The following CCL24 variants were observed in gnomAD, a reference collection of about 807,000 sequenced individuals.
The protein encoded by CCL24 is C-C motif chemokine 24.
CCL24 carries 6 observed loss-of-function variants against 8.6 expected under a neutral mutation model. The ratio of observed to expected loss-of-function variants is 0.70; its 90% confidence interval spans 0.38 to 1.38. The LOEUF is 1.38. Among genes scored for constraint, CCL24 ranks in the 40% most tolerant of loss-of-function variants. The probability of loss-of-function intolerance (pLI) is 0.02; values close to 1 mark genes in which losing one functional copy is unlikely to be tolerated. For missense variants in CCL24, 126 were observed against 147.1 expected, an observed-to-expected ratio of 0.86 and a Z score of 0.74; for synonymous variants, 59 against 52.7, an observed-to-expected ratio of 1.12 and a Z score of -0.52.
At chr7:75,822,791 T>A (rs531811738) in intron 1 of CCL24, among the ~76,000 whole-genome samples, 1 of 152,210 alleles carries the variant, frequency 6.6e-6, no homozygotes, top group South Asian at 2.1e-4. Context: ...ATTGTGCCAC[T>A]GCACTTCAGC....
At chr7:75,812,381 G>A (rs557078587) in intron 2 of CCL24, among the ~76,000 whole-genome samples, 6 of 152,122 alleles carry the variant, frequency 3.9e-5, no homozygotes, top group African/African-American at 7.2e-5. Flanking sequence ...GCCACTGCAC[G>A]TGGCCTTCTT....
chr7:75,821,921 C>T (rs1318658664), intron 1 of CCL24, among the ~76,000 whole-genome samples: 21 of 145,724 alleles, frequency 1.4e-4, no homozygotes, highest in Non-Finnish European at 2.4e-4. Context: ...GAGCGAGACT[C>T]CGTCTCAAAA....
upstream of CCL24, among the ~76,000 whole-genome samples, chr7:75,815,934 T>C (rs138941726): frequency 9.7e-4 from 148 of 152,214 alleles, no homozygotes; most frequent in African/African-American, 3.3e-3. Flanking sequence ...TCTCCAACAC[T>C]CCCATACCCA....
chr7:75,811,621 C>G lies in CCL24; in HGVS notation c.*175G>C. ...ATGCTTGGAGCCATTGCTCAGCCCC[C>G]GGGAACCACATCACCTGCTCCCTCG... On this transcript the variant is annotated 3_prime_UTR_variant, in exon 3 of 3. Transcript: ENST00000222902. 1.8e-6 allele frequency: 1 copy of G among 568,076 alleles called. No individual in the cohort carries two copies. The highest frequency in any genetic ancestry group is 3.0e-6 in the Non-Finnish European group (1 of 332,162). The allele number at this position is 568,076 out of a possible 1,614,324, so 35.2% of individuals were successfully genotyped here.
chr7:75,823,026 C>T (rs1054546570), intron 1 of CCL24, among the ~76,000 whole-genome samples: 5 of 152,144 alleles, frequency 3.3e-5, no homozygotes, highest in Non-Finnish European at 7.4e-5. Flanking sequence ...AGCTGCTCTC[C>T]GATCCACCCC....
rs1803758145 is a variant in CCL24 at position 75,811,484 on chromosome 7, A to T, written c.*312T>A. 6.6e-6 allele frequency among the ~76,000 whole-genome samples: 1 copy of T among 151,830 alleles called. No homozygotes were observed. The highest frequency in any genetic ancestry group is 1.5e-5 in the Non-Finnish European group (1 of 67,946). On this transcript the variant is annotated 3_prime_UTR_variant, in exon 3 of 3. Transcript: ENST00000222902. ...ACAGAGCGAGACTCCGTCTCAGAAA[A>T]AAAAAAAAAAGAAAAAGCATCAGAA... is the stretch of plus-strand genomic sequence containing the variant.
intron 1 of CCL24, among the ~76,000 whole-genome samples, chr7:75,819,298 AAAAAAATATATATATATATATATAT>A (rs1803970733): frequency 4.7e-5 from 1 of 21,094 alleles, no homozygotes; most frequent in African/African-American, 1.4e-4. Flanking sequence ...AAAAAAAAAA[AAAAAAATATATATATATATATATAT>A]ATATATATAT....
chr7:75,813,527 T>A, intron 1 of CCL24, 104 bp from the exon 2 acceptor site: 1 of 1,253,724 alleles, frequency 8.0e-7, no homozygotes, highest in African/African-American at 1.5e-5. Context: ...GCCAGTCCAT[T>A]CACTGGGCCA....
rs576963639 is a variant in CCL24, at chr7:75,823,051, C to T, written c.-60+271G>A. The stretch of plus-strand genomic sequence containing the variant: ...CGATCCACCCCTTACTTTAGACTCT[C>T]ACGGCCACCAGCTTTGCACAGCCTC... On this transcript the variant is annotated intron_variant, in intron 1 of 3. Coordinates refer to the CCL24 transcript ENST00000416943. Among the ~76,000 whole-genome samples, 11 of 152,264 alleles carry T rather than the reference C, an allele frequency of 7.2e-5. No individual in the cohort carries two copies. In the South Asian group the frequency reaches 1.0e-3, roughly 14 times the overall value.
upstream of CCL24, among the ~76,000 whole-genome samples, chr7:75,815,383 T>C (rs1366462574): frequency 6.6e-6 from 1 of 151,092 alleles, no homozygotes; most frequent in Non-Finnish European, 1.5e-5. Context: ...GGCTCATGCC[T>C]GTCATCCCAG....
At chr7:75,816,013 C>T (rs1028347575), upstream of CCL24, among the ~76,000 whole-genome samples, 3 of 152,140 alleles carry the variant, frequency 2.0e-5, no homozygotes, top group East Asian at 1.9e-4. Flanking sequence ...GGGCACACAC[C>T]GATGTAAGAC....
upstream of CCL24, among the ~76,000 whole-genome samples, chr7:75,814,746 T>C (rs538614451): frequency 1.3e-4 from 20 of 151,950 alleles, no homozygotes; most frequent in African/African-American, 4.8e-4. Flanking sequence ...AAGTGGGAAA[T>C]GCCTGGAAAT....
chr7:75,820,018 A>ACGTCGTCTTCTTCTT lies in CCL24; in HGVS notation c.-60+3303_-60+3304insAAGAAGAAGACGACG, dbSNP rs1230617445. Reference sequence around the variant, plus strand: ...CGGATGTAAGGGCTTTTAGTAAACTACTTCTTCTTCTTCTTCTTCTTCTTC... The same window carrying ACGTCGTCTTCTTCTT: ...CGGATGTAAGGGCTTTTAGTAAACTACGTCGTCTTCTTCTTCTTCTTCTTCTTCTTCTTCTTCTTC... On this transcript the variant is annotated intron_variant, in intron 1 of 3. Coordinates refer to the CCL24 transcript ENST00000416943. Among the ~76,000 whole-genome samples the ACGTCGTCTTCTTCTT allele has an allele frequency of 4.8e-5, 5 of 104,908 alleles. 1 individual carries two copies. Among genetic ancestry groups the ACGTCGTCTTCTTCTT allele is most frequent in the South Asian group, 7.0e-4 (2 of 2,870 alleles). 68.8% of individuals were successfully genotyped at this position (104,908 alleles called of 152,430 possible). A position where few individuals can be genotyped will look rare whatever the true frequency, so the allele number is the denominator to read the frequency against.
Position 75,813,736 on chromosome 7 carries a change from C to T in CCL24, c.-21G>A. On this transcript the variant is annotated 5_prime_UTR_variant, in exon 1 of 3. Coordinates refer to ENST00000222902, the MANE Select transcript of CCL24 (RefSeq NM_002991.3). ...GCCATGTCTCAGAGAGCAGAAGCAC[C>T]AGCTCGGGGCTCAAAGCTGACGTGC... The T allele has an allele frequency of 6.2e-7, 1 of 1,606,656 alleles. No homozygotes were observed.
intron 1 of CCL24, among the ~76,000 whole-genome samples, chr7:75,822,235 T>C (rs1277205793): frequency 1.3e-5 from 2 of 152,156 alleles, no homozygotes; most frequent in Non-Finnish European, 2.9e-5. Context: ...AGACACAGTG[T>C]AGTACCATGG....
At chr7:75,812,084 A>G (rs1803777884) in intron 2 of CCL24, 120 bp from the exon 3 acceptor site, 1 of 759,502 alleles carries the variant, frequency 1.3e-6, no homozygotes, top group African/African-American at 1.8e-5. Flanking sequence ...AGTTGCTGAG[A>G]TGATGTCATC....
chr7:75,818,231 A>C (rs1353849968), upstream of CCL24, among the ~76,000 whole-genome samples: 5 of 152,080 alleles, frequency 3.3e-5, no homozygotes, highest in Admixed American at 3.3e-4. Context: ...AGGATAAGTG[A>C]GCAGACACCA....
At chr7:75,822,394 T>A (rs911281523) in intron 1 of CCL24, among the ~76,000 whole-genome samples, 5 of 152,152 alleles carry the variant, frequency 3.3e-5, no homozygotes, top group Non-Finnish European at 7.4e-5. Context: ...CCTCCCAGGA[T>A]GGTGGAGGGA....
chr7:75,817,840 T>C (rs1436577680), upstream of CCL24, among the ~76,000 whole-genome samples: 1 of 150,708 alleles, frequency 6.6e-6, no homozygotes, highest in Non-Finnish European at 1.5e-5. Context: ...TTGTTGTTTG[T>C]TTTGTTTTCA....
Sources: allele counts gnomAD v4.1 joint callset (sites outside exome capture counted in the v4.1 genomes callset), GRCh38; gene constraint gnomAD v4.1.1; transcripts MANE v1.5; gene names NCBI Gene and HGNC (gene_info 2026-07-23, HGNC 2026-07-21).